The following FBXL13 variants were observed in gnomAD, a reference collection of about 807,000 sequenced individuals.
The protein encoded by FBXL13 is F-box and leucine rich repeat protein 13.
A neutral mutation model predicts 83.6 loss-of-function variants in FBXL13; 67 were observed. The observed-to-expected ratio is 0.80, with a 90% CI of 0.66 to 0.98. The LOEUF is 0.98. Among genes scored for constraint, FBXL13 ranks in the 50% least tolerant of loss-of-function variants. The pLI is 0.00. For missense variants in FBXL13, 822 were observed against 866.5 expected, an observed-to-expected ratio of 0.95 and a Z score of 0.64; for synonymous variants, 272 against 299.5, an observed-to-expected ratio of 0.91 and a Z score of 0.95.
rs553712054 is a variant in FBXL13 at position 102,822,530 on chromosome 7, C to A, written c.1855-327G>T. ...CATGGGAGCTCTACCCTTATGACCT[C>A]TTCTAAATCTGTTTACTCCCAAAGG... On this transcript the variant is annotated intron_variant, in intron 18 of 19. Coordinates refer to ENST00000313221, the Ensembl canonical transcript of FBXL13. 81 of 477,970 alleles carry A rather than the reference C, an allele frequency of 1.7e-4. 3 individuals are homozygous for A. Among genetic ancestry groups the A allele is most frequent in the South Asian group, 1.2e-3 (78 of 63,108 alleles). 29.6% of individuals were successfully genotyped at this position (477,970 alleles called of 1,614,324 possible). A position where few individuals can be genotyped will look rare whatever the true frequency, so the allele number is the denominator to read the frequency against.
At chr7:102,854,222 T>A (rs1036235223) in intron 17 of FBXL13, among the ~76,000 whole-genome samples, 2 of 152,178 alleles carry the variant, frequency 1.3e-5, no homozygotes, top group African/African-American at 4.8e-5. Flanking sequence ...TCCTTTGTGG[T>A]GACATGGATG....
intron 11 of FBXL13, among the ~76,000 whole-genome samples, chr7:102,886,762 ACT>A (rs1810851828): frequency 6.6e-6 from 1 of 152,222 alleles, no homozygotes; most frequent in Non-Finnish European, 1.5e-5. Context: ...CTCAGCAGAC[ACT>A]AATAATATGA....
intron 6 of FBXL13, chr7:102,975,883 TC>T: frequency 1.4e-6 from 1 of 733,032 alleles, no homozygotes; most frequent in Non-Finnish European, 2.5e-6. Context: ...GCTTGCCTCC[TC>T]CATCAGGGGC....
chr7:102,893,607 A>G (rs1811809584), intron 11 of FBXL13, among the ~76,000 whole-genome samples: 1 of 152,050 alleles, frequency 6.6e-6, no homozygotes, highest in Non-Finnish European at 1.5e-5. Flanking sequence ...TCTACTAAAA[A>G]TACAAAAAAA....
intron 14 of FBXL13, among the ~76,000 whole-genome samples, chr7:102,880,305 A>G (rs1809856209): frequency 6.6e-6 from 1 of 152,108 alleles, no homozygotes; most frequent in African/African-American, 2.4e-5. Flanking sequence ...AAAATCTTAA[A>G]ACTCTGAAAT....
chr7:102,837,949 C>G (rs1303583243), intron 17 of FBXL13, among the ~76,000 whole-genome samples: 1 of 152,190 alleles, frequency 6.6e-6, no homozygotes, highest in Admixed American at 6.5e-5. Context: ...TTATCTTTGC[C>G]AACATCTGGC....
chr7:102,928,010 C>T (rs1302696638), intron 9 of FBXL13, among the ~76,000 whole-genome samples: 3 of 152,142 alleles, frequency 2.0e-5, no homozygotes, highest in Admixed American at 6.5e-5. Flanking sequence ...GAGAGGCAGC[C>T]ACAAAGATGA....
At chr7:102,816,034 C>T (rs1037800206) in intron 19 of FBXL13, among the ~76,000 whole-genome samples, 5 of 152,190 alleles carry the variant, frequency 3.3e-5, no homozygotes, top group African/African-American at 9.7e-5. Context: ...GAACCCCAGC[C>T]ATGGGTGAAG....
At chr7:102,890,938 T>C (rs1324842995) in intron 11 of FBXL13, among the ~76,000 whole-genome samples, 1 of 152,220 alleles carries the variant, frequency 6.6e-6, no homozygotes, top group African/African-American at 2.4e-5. Context: ...GTGATGACTT[T>C]AGTAATATCC....
At chr7:103,015,109 T>C (rs1017736604) in intron 6 of FBXL13, among the ~76,000 whole-genome samples, 1 of 152,002 alleles carries the variant, frequency 6.6e-6, no homozygotes, top group Non-Finnish European at 1.5e-5. Flanking sequence ...ATCATCTCAA[T>C]AGATGCAGAA....
chr7:102,858,933 C>T (rs921588178), intron 16 of FBXL13, among the ~76,000 whole-genome samples: 1 of 152,004 alleles, frequency 6.6e-6, no homozygotes, highest in Admixed American at 6.6e-5. Context: ...GGTAGTTCCA[C>T]CACAAACAAA....
chr7:102,920,500 C>G (rs940736541), intron 10 of FBXL13, among the ~76,000 whole-genome samples: 1 of 151,922 alleles, frequency 6.6e-6, no homozygotes, highest in African/African-American at 2.4e-5. Flanking sequence ...CAGGTGCATG[C>G]CACCACACCC....
chr7:103,047,999 T>C (rs1796446587), intron 2 of FBXL13, among the ~76,000 whole-genome samples: 1 of 152,196 alleles, frequency 6.6e-6, no homozygotes, highest in South Asian at 2.1e-4. Flanking sequence ...CCTGGCCCCA[T>C]ACAATTTTAG....
intron 6 of FBXL13, among the ~76,000 whole-genome samples, chr7:102,998,626 GATTATCAGTTCTA>G (rs1421233524): frequency 6.6e-6 from 1 of 151,956 alleles, no homozygotes; most frequent in Non-Finnish European, 1.5e-5. Flanking sequence ...TACTGAATTT[GATTATCAGTTCTA>G]ACAGTTTTTT....
intron 8 of FBXL13, among the ~76,000 whole-genome samples, chr7:102,938,085 A>T (rs1189753203): frequency 2.6e-5 from 4 of 152,252 alleles, no homozygotes; most frequent in Non-Finnish European, 5.9e-5. Context: ...TTTGCCAAGA[A>T]ATCCTAGTGT....
chr7:102,890,953 AT>A, intron 11 of FBXL13, among the ~76,000 whole-genome samples: 1 of 152,198 alleles, frequency 6.6e-6, no homozygotes, highest in Non-Finnish European at 1.5e-5. Flanking sequence ...ATATCCATAT[AT>A]TTTTATGTCC....
At chr7:102,821,738 T>G (rs574084240) in intron 19 of FBXL13, among the ~76,000 whole-genome samples, 7 of 152,132 alleles carry the variant, frequency 4.6e-5, no homozygotes, top group Non-Finnish European at 1.0e-4. Context: ...CTAGGGGAGA[T>G]TAACTGAATG....
chr7:103,054,949 G>T, intron 2 of FBXL13, 139 bp downstream of exon 3: 1 of 392,928 alleles, frequency 2.5e-6, no homozygotes, highest in Non-Finnish European at 4.7e-6. Context: ...TATGTGTGTG[G>T]CTATTCCTTC....
chr7:102,816,909 G>A lies in FBXL13; in HGVS notation c.2019-3378C>T, dbSNP rs141834358. Among the ~76,000 whole-genome samples the A allele has an allele frequency of 4.4e-3, 672 of 152,278 alleles. 17 individuals carry two copies. The highest frequency in any genetic ancestry group is 0.038 in the Admixed American group (585 of 15,290). Reference sequence around the variant, plus strand: ...TCACTTAGGATAATGGCCTCCAGCCGCATCCATGTTGCTGCAAAGGACATG... The same window carrying A: ...TCACTTAGGATAATGGCCTCCAGCCACATCCATGTTGCTGCAAAGGACATG... On this transcript the variant is annotated intron_variant, in intron 19 of 19. Transcript: ENST00000313221.
Sources: allele counts gnomAD v4.1 joint callset (sites outside exome capture counted in the v4.1 genomes callset), GRCh38; gene constraint gnomAD v4.1.1; transcripts MANE v1.5; gene names NCBI Gene and HGNC (gene_info 2026-07-23, HGNC 2026-07-21).